Variants in ROR1 observed in about 807,000 individuals in gnomAD.
ROR1 encodes ROR family WNT receptor 1.
In ROR1, 19 loss-of-function variants were observed where a neutral mutation model predicts 78.8. The observed-to-expected ratio is 0.24, with a 90% confidence interval of 0.17 to 0.35. The LOEUF (loss-of-function observed/expected upper bound fraction) is 0.35. Ranked by LOEUF, ROR1 falls within the 10% of genes least tolerant of loss-of-function variation. The probability of loss-of-function intolerance (pLI) is 1.00; values close to 1 mark genes in which losing one functional copy is unlikely to be tolerated. For missense variants in ROR1, 917 were observed against 1,177.8 expected (o/e 0.78, Z 3.24); for synonymous variants, 386 against 433.6 (o/e 0.89, Z 1.36).
intron 1 of ROR1, among the ~76,000 whole-genome samples, chr1:63,852,322 G>A (rs896843617): frequency 6.6e-6 from 1 of 152,180 alleles, no homozygotes; most frequent in African/African-American, 2.4e-5. Flanking sequence ...CTTTTGTAGA[G>A]CTGAAAGCAG....
chr1:63,775,318 T>C (rs1381875573), intron 1 of ROR1: 2 of 152,244 alleles, frequency 1.3e-5, no homozygotes, highest in Non-Finnish European at 2.9e-5. Flanking sequence ...CTTAGTTCGC[T>C]GCGGGAAGCT....
intron 4 of ROR1, among the ~76,000 whole-genome samples, chr1:64,069,063 A>G (rs1012176632): frequency 6.6e-6 from 1 of 152,178 alleles, no homozygotes; most frequent in African/African-American, 2.4e-5. Flanking sequence ...CAAAGTTGCA[A>G]GCACAGATTC....
At chr1:64,110,387 C>T (rs1230155372) in intron 4 of ROR1, among the ~76,000 whole-genome samples, 1 of 152,112 alleles carries the variant, frequency 6.6e-6, no homozygotes, top group Non-Finnish European at 1.5e-5. Context: ...CAGCAAGTAA[C>T]TTTTCTAAGG....
chr1:63,778,299 G>T (rs1011920253), intron 1 of ROR1, among the ~76,000 whole-genome samples: 4 of 152,176 alleles, frequency 2.6e-5, no homozygotes, highest in Admixed American at 2.6e-4. Context: ...CATTTTTACG[G>T]TTCTGTATTT....
Position 63,860,562 on chromosome 1 carries a change from TACACACACAC to T in ROR1, c.91+86088_91+86097del, listed in dbSNP as rs68153450. Among the ~76,000 whole-genome samples the T allele has an allele frequency of 6.3e-3, 802 of 126,584 alleles. 3 individuals carry two copies. The highest frequency in any genetic ancestry group is 0.024 in the South Asian group (91 of 3,736). 83.0% of individuals were successfully genotyped at this position (126,584 alleles called of 152,430 possible). The stretch of plus-strand genomic sequence containing the variant: ...GGTAAAACCCCATCTCTACTAAAAA[TACACACACAC>T]ACACACACACACACACACACACACA... On this transcript the variant is annotated intron_variant, in intron 1 of 8. Transcript: ENST00000371079.
chr1:63,777,857 A>G (rs1411375363), intron 1 of ROR1, among the ~76,000 whole-genome samples: 4 of 152,352 alleles, frequency 2.6e-5, no homozygotes, highest in Non-Finnish European at 4.4e-5. Context: ...ATATACACAC[A>G]TATATAGTAA....
At chr1:63,969,943 C>A (rs1227080389) in intron 1 of ROR1, among the ~76,000 whole-genome samples, 1 of 152,136 alleles carries the variant, frequency 6.6e-6, no homozygotes, top group Non-Finnish European at 1.5e-5. Flanking sequence ...TACCTGCCCT[C>A]TTTTTCCTCA....
chr1:64,003,286 G>T (rs968318034), intron 1 of ROR1, among the ~76,000 whole-genome samples: 2 of 151,596 alleles, frequency 1.3e-5, no homozygotes, highest in Admixed American at 1.3e-4. Context: ...CTTCAACAAA[G>T]TAATGGATTC....
At chr1:63,821,562 G>T (rs973807140) in intron 1 of ROR1, among the ~76,000 whole-genome samples, 5 of 152,138 alleles carry the variant, frequency 3.3e-5, no homozygotes, top group African/African-American at 1.2e-4. Context: ...GAACAACTTT[G>T]GCCCAAAAGG....
chr1:63,949,068 T>C (rs1645913104), intron 1 of ROR1, among the ~76,000 whole-genome samples: 1 of 152,198 alleles, frequency 6.6e-6, no homozygotes, highest in Admixed American at 6.5e-5. Flanking sequence ...TGCTCCAGTG[T>C]GCTGTGCAGA....
chr1:64,122,450 T>G (rs1648574511), intron 4 of ROR1, among the ~76,000 whole-genome samples: 1 of 152,214 alleles, frequency 6.6e-6, no homozygotes, highest in African/African-American at 2.4e-5. Context: ...ATGTTTAATC[T>G]TTGAGGCATC....
At chr1:64,008,754 C>A (rs1352147892) in intron 1 of ROR1, among the ~76,000 whole-genome samples, 3 of 152,164 alleles carry the variant, frequency 2.0e-5, no homozygotes, top group African/African-American at 7.2e-5. Context: ...CCTGCCTCAG[C>A]CTCCTGAGTA....
intron 1 of ROR1, among the ~76,000 whole-genome samples, chr1:63,960,988 C>T (rs1180708814): frequency 6.6e-6 from 1 of 152,146 alleles, no homozygotes; most frequent in African/African-American, 2.4e-5. Context: ...TAGGGACTGT[C>T]ATGAGGATAA....
chr1:63,905,524 A>G (rs1028203684), intron 1 of ROR1, among the ~76,000 whole-genome samples: 5 of 152,240 alleles, frequency 3.3e-5, no homozygotes, highest in Admixed American at 1.3e-4. Flanking sequence ...CAAAGGGTAT[A>G]CAAGTTTATA....
chr1:63,786,021 T>G (rs1644682794), intron 1 of ROR1, among the ~76,000 whole-genome samples: 1 of 152,024 alleles, frequency 6.6e-6, no homozygotes, highest in African/African-American at 2.4e-5. Context: ...ACGTGATAAC[T>G]AATGTCCTTT....
chr1:64,037,363 C>T (rs1185866408), intron 2 of ROR1, among the ~76,000 whole-genome samples: 1 of 152,194 alleles, frequency 6.6e-6, no homozygotes, highest in African/African-American at 2.4e-5. Context: ...GATTTTCAGA[C>T]AACTGATAGT....
intron 1 of ROR1, among the ~76,000 whole-genome samples, chr1:63,897,675 C>G (rs962420836): frequency 6.6e-6 from 1 of 152,152 alleles, no homozygotes; most frequent in Non-Finnish European, 1.5e-5. Context: ...ATATTTGTCT[C>G]TTTTGTTCAC....
In ROR1 at chr1:63,867,937, G is replaced by A. The variant is rs1337116364; in HGVS notation, c.91+93429G>A. Among the ~76,000 whole-genome samples the A allele has an allele frequency of 2.6e-5, 4 of 152,284 alleles. No individual in the cohort carries two copies. The East Asian group carries it at 5.8e-4, about 22-fold the overall frequency. On this transcript the variant is annotated intron_variant, in intron 1 of 8. Coordinates refer to ENST00000371079, the MANE Select transcript of ROR1 (RefSeq NM_005012.4). ...GGTTACTGCCGAGCATGGCCATGTC[G>A]TTAGTTCCCTTTGGAAACAAGCTGT... is the stretch of plus-strand genomic sequence containing the variant.
intron 2 of ROR1, among the ~76,000 whole-genome samples, chr1:64,035,298 T>G (rs1260813): frequency 0.65 from 98,387 of 152,158 alleles, 35,678 homozygotes; most frequent in East Asian, 0.87. Flanking sequence ...AAGGGTTCCA[T>G]TGCACACGAA....
Sources: allele counts gnomAD v4.1 joint callset (sites outside exome capture counted in the v4.1 genomes callset), GRCh38; gene constraint gnomAD v4.1.1; transcripts MANE v1.5; gene names NCBI Gene and HGNC (gene_info 2026-07-23, HGNC 2026-07-21).